Variants in FSHR observed in about 807,000 individuals in gnomAD.
FSHR encodes follicle stimulating hormone receptor, also known as follicle-stimulating hormone receptor.
FSHR carries 46 observed loss-of-function variants against 52.1 expected under a neutral mutation model. That is an observed-to-expected ratio of 0.88 (90% CI 0.70 to 1.13). The LOEUF (loss-of-function observed/expected upper bound fraction) is 1.13, where lower values mean the gene tolerates loss of function less well. FSHR is among the 50% of genes most tolerant of loss of function. The pLI, the probability that FSHR is intolerant of heterozygous loss-of-function variation, is 0.00. For synonymous variants in FSHR, 399 were observed against 309.6 expected, an observed-to-expected ratio of 1.29 and a Z score of -3.03; for missense variants, 964 against 834.6, an observed-to-expected ratio of 1.16 and a Z score of -1.91.
At chr2:49,097,575 C>A (rs1670873980) in intron 1 of FSHR, among the ~76,000 whole-genome samples, 1 of 152,118 alleles carries the variant, frequency 6.6e-6, no homozygotes, top group African/African-American at 2.4e-5. Context: ...TTTCAAACCC[C>A]TGAGGGAGGG....
chr2:48,982,680 T>G (rs939711430), intron 8 of FSHR, among the ~76,000 whole-genome samples: 2 of 152,230 alleles, frequency 1.3e-5, no homozygotes, highest in Non-Finnish European at 1.5e-5. Context: ...GAGAACGCCA[T>G]CTGACACTCT....
chr2:49,051,680 G>C lies in FSHR; in HGVS notation c.224+16539C>G, dbSNP rs141585233. ...GGTGTCTTTTTTTACTTTTTTTATT[G>C]TCTTTTGAAAAGCAGAAGTTTTTTC... On this transcript the variant is annotated intron_variant, in intron 2 of 9. Transcript: ENST00000406846. Among the ~76,000 whole-genome samples the C allele has an allele frequency of 1.2e-3, 185 of 151,532 alleles. 1 individual carries two copies. The highest frequency in any genetic ancestry group is 4.3e-3 in the African/African-American group (178 of 41,328).
intron 1 of FSHR, among the ~76,000 whole-genome samples, chr2:49,127,794 T>TTCA: frequency 1.8e-5 from 1 of 55,774 alleles, no homozygotes; most frequent in African/African-American, 7.6e-5. Context: ...CTTCTTCTTC[T>TTCA]TCTTCTTCTT....
chr2:49,103,752 G>A (rs1671119404), intron 1 of FSHR, among the ~76,000 whole-genome samples: 1 of 152,094 alleles, frequency 6.6e-6, no homozygotes, highest in Non-Finnish European at 1.5e-5. Flanking sequence ...ACCTACATAA[G>A]GGTCAGGGTT....
intron 2 of FSHR, among the ~76,000 whole-genome samples, chr2:49,040,254 T>C (rs1668433164): frequency 1.3e-5 from 2 of 152,186 alleles, no homozygotes; most frequent in Admixed American, 6.5e-5. Context: ...CATGGAGATA[T>C]TGTGAGATGG....
intron 1 of FSHR, among the ~76,000 whole-genome samples, chr2:49,087,841 T>C (rs1670457390): frequency 6.6e-6 from 1 of 152,170 alleles, no homozygotes; most frequent in Non-Finnish European, 1.5e-5. Context: ...AAAAAAACAG[T>C]GATAAGACAG....
chr2:49,135,722 A>G (rs1558461458), intron 1 of FSHR, among the ~76,000 whole-genome samples: 1 of 152,200 alleles, frequency 6.6e-6, no homozygotes, highest in Non-Finnish European at 1.5e-5. Flanking sequence ...CCTACTGTCA[A>G]CCAAAAGCCT....
intron 1 of FSHR, among the ~76,000 whole-genome samples, chr2:49,095,167 T>C (rs2103704968): frequency 6.6e-6 from 1 of 152,306 alleles, no homozygotes; most frequent in African/African-American, 2.4e-5. Flanking sequence ...AAACCCATAA[T>C]GGTCAAAATA....
chr2:49,012,050 AT>A (rs1667295925), intron 4 of FSHR, among the ~76,000 whole-genome samples: 1 of 152,132 alleles, frequency 6.6e-6, no homozygotes, highest in Non-Finnish European at 1.5e-5. Context: ...AACAGGCATC[AT>A]AAGGAGGTCT....
At chr2:48,996,359 T>C (rs1399796203) in intron 4 of FSHR, among the ~76,000 whole-genome samples, 3 of 152,104 alleles carry the variant, frequency 2.0e-5, no homozygotes, top group Non-Finnish European at 2.9e-5. Context: ...ACCTCAAACA[T>C]GGAATTAGTG....
intron 4 of FSHR, among the ~76,000 whole-genome samples, chr2:49,008,069 C>T (rs1376525518): frequency 6.7e-6 from 1 of 150,054 alleles, no homozygotes; most frequent in Non-Finnish European, 1.5e-5. Context: ...GGTACATGTG[C>T]ACATTGTGCA....
intron 1 of FSHR, among the ~76,000 whole-genome samples, chr2:49,107,971 T>A (rs1293192250): frequency 6.6e-6 from 1 of 152,178 alleles, no homozygotes; most frequent in Non-Finnish European, 1.5e-5. Flanking sequence ...AACCAAGAGA[T>A]GCCCAGTGCA....
chr2:49,070,395 C>A (rs1669685258), intron 1 of FSHR, among the ~76,000 whole-genome samples: 1 of 152,082 alleles, frequency 6.6e-6, no homozygotes, highest in African/African-American at 2.4e-5. Context: ...TAGCTCAACA[C>A]CCTACCTTAA....
chr2:49,088,830 C>T (rs1245447495), intron 1 of FSHR, among the ~76,000 whole-genome samples: 3 of 143,982 alleles, frequency 2.1e-5, no homozygotes, highest in Non-Finnish European at 4.6e-5. Context: ...AAGCTGATCA[C>T]TACTCCATGA....
chr2:49,095,938 A>G (rs1417206953), intron 1 of FSHR, among the ~76,000 whole-genome samples: 3 of 152,164 alleles, frequency 2.0e-5, no homozygotes, highest in Non-Finnish European at 4.4e-5. Flanking sequence ...ATTCACTAGG[A>G]TGACTGTAAT....
At chr2:49,087,759 A>T (rs1038542400) in intron 1 of FSHR, among the ~76,000 whole-genome samples, 7 of 152,212 alleles carry the variant, frequency 4.6e-5, no homozygotes, top group Non-Finnish European at 1.0e-4. Flanking sequence ...GAGAGGACTA[A>T]TATATCCTGT....
chr2:48,984,241 C>A (rs914363381), intron 6 of FSHR, among the ~76,000 whole-genome samples: 2 of 152,124 alleles, frequency 1.3e-5, no homozygotes, highest in African/African-American at 4.8e-5. Context: ...CAGAAAGGGG[C>A]GAGGCAAATC....
chr2:49,123,199 T>C (rs993183427), intron 1 of FSHR, among the ~76,000 whole-genome samples: 3 of 152,084 alleles, frequency 2.0e-5, no homozygotes, highest in African/African-American at 7.2e-5. Flanking sequence ...TAGCTAAAAG[T>C]GAGAATTTAA....
chr2:49,052,349 A>T (rs1339653451), intron 2 of FSHR, among the ~76,000 whole-genome samples: 1 of 151,932 alleles, frequency 6.6e-6, no homozygotes, highest in Non-Finnish European at 1.5e-5. Flanking sequence ...TAGCTACAAC[A>T]TGTAGATGAT....
Sources: allele counts gnomAD v4.1 joint callset (sites outside exome capture counted in the v4.1 genomes callset), GRCh38; gene constraint gnomAD v4.1.1; transcripts MANE v1.5; gene names NCBI Gene and HGNC (gene_info 2026-07-23, HGNC 2026-07-21).